Variants in FRMD6 observed in about 807,000 individuals in gnomAD.
FRMD6 encodes FERM domain containing 6, also known as FERM domain-containing protein 6.
A neutral mutation model predicts 73.2 loss-of-function variants in FRMD6; 37 were observed. The ratio of observed to expected loss-of-function variants is 0.51; its 90% CI spans 0.39 to 0.66. The LOEUF is 0.66. Ranked by LOEUF, FRMD6 falls within the 30% of genes least tolerant of loss-of-function variation. The pLI is 0.00. For synonymous variants in FRMD6, 273 were observed against 282.2 expected, an observed-to-expected ratio of 0.97 and a Z score of 0.33; for missense variants, 714 against 780.5, an observed-to-expected ratio of 0.91 and a Z score of 1.02.
chr14:51,665,772 C>T (rs776193173), intron 1 of FRMD6, among the ~76,000 whole-genome samples: 48 of 152,220 alleles, frequency 3.2e-4, no homozygotes, highest in Non-Finnish European at 5.3e-4. Context: ...TGAATCATGG[C>T]GGTGTGTCTT....
intron 10 of FRMD6, among the ~76,000 whole-genome samples, chr14:51,719,350 T>C (rs1027711030): frequency 6.6e-6 from 1 of 152,254 alleles, no homozygotes; most frequent in Non-Finnish European, 1.5e-5. Flanking sequence ...CAGTAGTGAT[T>C]ACTGGTATTT....
intron 2 of FRMD6, among the ~76,000 whole-genome samples, chr14:51,628,801 A>T (rs1276790675): frequency 2.0e-5 from 1 of 49,244 alleles, no homozygotes; most frequent in African/African-American, 5.7e-5. Context: ...ACTCTGTCTC[A>T]AAAAAAAAAA....
At chr14:51,705,453 G>A (rs372159284) in intron 6 of FRMD6, among the ~76,000 whole-genome samples, 168 of 151,968 alleles carry the variant, frequency 1.1e-3, no homozygotes, top group African/African-American at 3.7e-3. Context: ...CACCCTGTCT[G>A]TTTCTCTTCC....
At chr14:51,411,085 G>A in the FRMD6 span, among the ~76,000 whole-genome samples, 25 of 152,146 alleles carry the variant, frequency 1.6e-4, no homozygotes, top group African/African-American at 5.8e-4. Context: ...TTTATACCAT[G>A]TGTTCCCTCC....
chr14:51,679,212 T>C (rs1260537604), intron 1 of FRMD6, among the ~76,000 whole-genome samples: 1 of 151,884 alleles, frequency 6.6e-6, no homozygotes, highest in African/African-American at 2.4e-5. Context: ...CACAGTGAGG[T>C]TGTATAGTAG....
the FRMD6 span, among the ~76,000 whole-genome samples, chr14:51,452,485 G>A: frequency 6.6e-6 from 1 of 152,220 alleles, no homozygotes; most frequent in Non-Finnish European, 1.5e-5. Context: ...GAGATAATAA[G>A]TTTGATTTGG....
chr14:51,488,672 C>G (rs1439699456), upstream of FRMD6, among the ~76,000 whole-genome samples: 1 of 152,232 alleles, frequency 6.6e-6, no homozygotes, highest in Admixed American at 6.5e-5. Context: ...TCATCTTTGA[C>G]TCTCCTACAT....
intron 11 of FRMD6, 166 bp downstream of exon 11, chr14:51,720,556 C>T (rs1362732174): frequency 1.6e-6 from 1 of 643,150 alleles, no homozygotes. Flanking sequence ...TTGTGTTTGG[C>T]TGTGAACAAA....
chr14:51,627,042 T>C (rs1336571244), intron 2 of FRMD6, among the ~76,000 whole-genome samples: 1 of 152,248 alleles, frequency 6.6e-6, no homozygotes, highest in African/African-American at 2.4e-5. Context: ...CCTAATGATC[T>C]GATATTTAGT....
the FRMD6 span, among the ~76,000 whole-genome samples, chr14:51,467,672 C>A: frequency 6.6e-6 from 1 of 151,550 alleles, no homozygotes; most frequent in Admixed American, 6.6e-5. Context: ...GGCAGAGACA[C>A]TCCTCAGTTC....
At chr14:51,500,731 A>T (rs1443388665) in intron 1 of FRMD6, among the ~76,000 whole-genome samples, 7 of 152,124 alleles carry the variant, frequency 4.6e-5, no homozygotes, top group Non-Finnish European at 7.4e-5. Context: ...GCCATAGAAG[A>T]TTATATATAT....
chr14:51,711,139 A>G (rs957847144), intron 7 of FRMD6, among the ~76,000 whole-genome samples: 1 of 151,496 alleles, frequency 6.6e-6, no homozygotes. Context: ...AGATTCTAAC[A>G]TCTGAGAAAA....
At chr14:51,411,352 G>T in the FRMD6 span, among the ~76,000 whole-genome samples, 1 of 152,178 alleles carries the variant, frequency 6.6e-6, no homozygotes, top group African/African-American at 2.4e-5. Flanking sequence ...CACCAAAAAA[G>T]CAGAAACTGG....
the FRMD6 span, among the ~76,000 whole-genome samples, chr14:51,459,654 C>A: frequency 2.6e-5 from 4 of 151,750 alleles, no homozygotes; most frequent in East Asian, 1.9e-4. Context: ...GGCGAAACCC[C>A]GTCTCCACTA....
intron 2 of FRMD6, among the ~76,000 whole-genome samples, chr14:51,693,388 A>C (rs1895736006): frequency 6.6e-6 from 1 of 152,198 alleles, no homozygotes; most frequent in South Asian, 2.1e-4. Context: ...CATGGTTAGG[A>C]CTATGATCAT....
Position 51,718,470 on chromosome 14 carries a change from A to C in FRMD6, c.1025-1585A>C, listed in dbSNP as rs560273072. 3.3e-5 allele frequency among the ~76,000 whole-genome samples: 5 copies of C among 152,398 alleles called. No homozygotes were observed. The South Asian group carries it at 1.0e-3, about 32-fold the overall frequency. ...GAACTCCAACAACTTAGAGACTTTT[A>C]CTTTTTTCTCTTCACTTGCCACTCA... On this transcript the variant is annotated intron_variant, in intron 10 of 13. Coordinates refer to ENST00000344768, the MANE Select transcript of FRMD6 (RefSeq NM_001267046.2).
intron 2 of FRMD6, among the ~76,000 whole-genome samples, chr14:51,632,904 A>G (rs1488141622): frequency 5.3e-5 from 8 of 152,216 alleles, no homozygotes; most frequent in Non-Finnish European, 7.4e-5. Context: ...AGCCAACTGT[A>G]AGATGACATT....
chr14:51,481,573 G>A, the FRMD6 span, among the ~76,000 whole-genome samples: 7 of 152,206 alleles, frequency 4.6e-5, no homozygotes, highest in Non-Finnish European at 1.0e-4. Context: ...CCTACTATTT[G>A]CAAAAGTATA....
chr14:51,539,510 A>G (rs1446280954), intron 1 of FRMD6, among the ~76,000 whole-genome samples: 1 of 152,214 alleles, frequency 6.6e-6, no homozygotes. Context: ...ATACATAGAT[A>G]GCATTGGGAA....
Sources: gnomAD v4.1 joint callset for allele counts (sites outside exome capture counted in the v4.1 genomes callset) on GRCh38, gnomAD v4.1.1 for gene constraint, MANE v1.5 for transcripts, NCBI Gene and HGNC (gene_info 2026-07-23, HGNC 2026-07-21) for gene names.